Variants in CLEC20A observed in about 807,000 individuals in gnomAD.
CLEC20A encodes the protein C-type lectin domain containing 20A, also known as putative C-type lectin domain family 20 member A.
downstream of CLEC20A, chr1:178,479,190 A>G (rs1648874473): frequency 1.2e-5 from 2 of 165,264 alleles, no homozygotes; most frequent in Non-Finnish European, 2.6e-5. Context: ...CTAGACCACT[A>G]CCATCCTCTT....
intron 5 of CLEC20A, chr1:178,486,781 G>A (rs1649157469): frequency 2.5e-6 from 1 of 398,526 alleles, no homozygotes; most frequent in Non-Finnish European, 4.4e-6. Flanking sequence ...CTGGGACGCC[G>A]AGGGCGCAGG....
downstream of CLEC20A, chr1:178,478,833 AAACTTT>A (rs1275552573): frequency 2.0e-4 from 31 of 152,332 alleles, no homozygotes; most frequent in South Asian, 4.1e-4. Context: ...GAATACAAAT[AAACTTT>A]AACTTTAAAC....
intron 7 of CLEC20A, chr1:178,480,936 C>A (rs987251839): frequency 1.3e-5 from 2 of 151,792 alleles, no homozygotes; most frequent in African/African-American, 4.8e-5. Flanking sequence ...TTGTCTCTCC[C>A]CACCCAAAAA....
At chr1:178,495,215 A>T (rs941092968) in intron 1 of CLEC20A, among the ~76,000 whole-genome samples, 3 of 152,268 alleles carry the variant, frequency 2.0e-5, no homozygotes, top group African/African-American at 7.2e-5. Flanking sequence ...CCATCAGCTC[A>T]AGGAATTCTT....
chr1:178,485,597 T>C (rs1649113032), intron 5 of CLEC20A, among the ~76,000 whole-genome samples: 2 of 152,266 alleles, frequency 1.3e-5, no homozygotes, highest in South Asian at 4.1e-4. Context: ...TTCACACTTC[T>C]GGTGCAGCAT....
upstream of CLEC20A, chr1:178,497,100 A>G (rs543190262): frequency 2.4e-4 from 97 of 397,920 alleles, no homozygotes; most frequent in Admixed American, 6.6e-4. Flanking sequence ...GGATTTTACT[A>G]AACAAATACT....
chr1:178,487,114 G>C (rs1425005478), intron 5 of CLEC20A, among the ~76,000 whole-genome samples: 1 of 152,188 alleles, frequency 6.6e-6, no homozygotes, highest in Non-Finnish European at 1.5e-5. Flanking sequence ...TCCCAAAGCC[G>C]AGGGCAAGAA....
chr1:178,482,919 G>A (rs59579244), intron 6 of CLEC20A: 3,971 of 329,402 alleles, frequency 0.012, 113 homozygotes, highest in African/African-American at 0.069. Flanking sequence ...TCACAACAAC[G>A]CTGTGATATA....
chr1:178,489,610 CAG>C (rs908011502), intron 4 of CLEC20A, among the ~76,000 whole-genome samples: 14 of 152,234 alleles, frequency 9.2e-5, no homozygotes, highest in Non-Finnish European at 2.1e-4. Context: ...CACTCTGTGC[CAG>C]AGTTTCTACT....
At chr1:178,498,233 G>A (rs1191648126), upstream of CLEC20A, among the ~76,000 whole-genome samples, 1 of 152,040 alleles carries the variant, frequency 6.6e-6, no homozygotes, top group African/African-American at 2.4e-5. Context: ...TGATGGCCCC[G>A]ACAAGTTCTG....
chr1:178,490,237 C>T (rs575799839), exon 4 of CLEC20A: 13 of 398,710 alleles, frequency 3.3e-5, no homozygotes, highest in South Asian at 2.5e-4. Flanking sequence ...CTCAGAGATC[C>T]GGAGTTTGCA....
At chr1:178,494,325 A>T (rs1649337390) in intron 2 of CLEC20A, 129 bp downstream of exon 2, 1 of 397,448 alleles carries the variant, frequency 2.5e-6, no homozygotes, top group South Asian at 1.4e-4. Context: ...AGGCTGAGGC[A>T]GGAGAATCAC....
At chr1:178,481,046 G>A (rs1352231356) in intron 7 of CLEC20A, 1 of 152,046 alleles carries the variant, frequency 6.6e-6, no homozygotes, top group Non-Finnish European at 1.5e-5. Flanking sequence ...CATACTTATT[G>A]TTCTTTCAAT....
chr1:178,486,500 CA>C, intron 5 of CLEC20A: 2 of 398,832 alleles, frequency 5.0e-6, no homozygotes, highest in Non-Finnish European at 8.8e-6. Context: ...GCTGCAGAGT[CA>C]GGGGGTGCAG....
chr1:178,495,178 C>T (rs754749133), intron 1 of CLEC20A, among the ~76,000 whole-genome samples: 13 of 152,226 alleles, frequency 8.5e-5, no homozygotes, highest in Non-Finnish European at 1.8e-4. Flanking sequence ...TAACAATAGA[C>T]AATGCTTGCT....
At chr1:178,482,164 A>G (rs974082761) in intron 7 of CLEC20A, 148 bp downstream of exon 7, 1 of 396,680 alleles carries the variant, frequency 2.5e-6, no homozygotes, top group Non-Finnish European at 4.4e-6. Flanking sequence ...CACATAACCA[A>G]CTTGTCACCA....
At chr1:178,486,899 C>G (rs1649160577) in intron 5 of CLEC20A, 1 of 398,020 alleles carries the variant, frequency 2.5e-6, no homozygotes, top group African/African-American at 2.1e-5. Flanking sequence ...GGTGTTACCG[C>G]CCCTTGGGGC....
At chr1:178,493,004 T>G (rs79683799) in intron 2 of CLEC20A, among the ~76,000 whole-genome samples, 7,647 of 152,308 alleles carry the variant, frequency 0.05, 662 homozygotes, top group African/African-American at 0.17. Flanking sequence ...CTGATTCTTT[T>G]GTTTACAGGG....
intron 4 of CLEC20A, 117 bp downstream of exon 4, chr1:178,489,955 G>A: frequency 2.5e-6 from 1 of 397,648 alleles, no homozygotes; most frequent in Non-Finnish European, 4.4e-6. Context: ...ACCCCTCAGA[G>A]TCTGGAAGTG....
Sources: gnomAD v4.1 joint callset for allele counts (sites outside exome capture counted in the v4.1 genomes callset) on GRCh38, gnomAD v4.1.1 for gene constraint, MANE v1.5 for transcripts, NCBI Gene and HGNC (gene_info 2026-07-23, HGNC 2026-07-21) for gene names.